The following ALPL variants were observed in gnomAD, a reference collection of about 807,000 sequenced individuals.
ALPL encodes alkaline phosphatase, biomineralization associated, also known as alkaline phosphatase, tissue-nonspecific isozyme.
In ALPL, 42 loss-of-function variants were observed where a neutral mutation model predicts 51.3. That is an observed-to-expected ratio of 0.82 (90% confidence interval 0.64 to 1.06). The LOEUF is 1.06. ALPL is among the 50% of genes least tolerant of loss of function. The probability of loss-of-function intolerance (pLI) is 0.00; values close to 1 mark genes in which losing one functional copy is unlikely to be tolerated. For synonymous variants in ALPL, 279 were observed against 296.4 expected (o/e 0.94, Z 0.60); for missense variants, 589 against 709.4 (o/e 0.83, Z 1.93).
intron 1 of ALPL, among the ~76,000 whole-genome samples, chr1:21,520,654 G>A (rs1248168932): frequency 3.3e-5 from 5 of 151,892 alleles, no homozygotes; most frequent in Admixed American, 2.0e-4. Flanking sequence ...GTAGACACGG[G>A]GTTTCACCGT....
At chr1:21,544,603 G>A (rs1172456433) in intron 1 of ALPL, among the ~76,000 whole-genome samples, 1 of 152,164 alleles carries the variant, frequency 6.6e-6, no homozygotes, top group Non-Finnish European at 1.5e-5. Context: ...AAAATCAGCT[G>A]GGCATGGTGG....
In ALPL at chr1:21,560,494, G is replaced by C. The variant is rs1010265374; in HGVS notation, c.62-132G>C. The C allele has an allele frequency of 3.8e-5, 45 of 1,181,166 alleles. 2 individuals are homozygous for C. The South Asian group carries it at 5.8e-4, about 15-fold the overall frequency. 73.2% of individuals were successfully genotyped at this position (1,181,166 alleles called of 1,614,324 possible). On this transcript the variant is annotated intron_variant, in intron 2 of 11. Transcript: ENST00000374840. ...TTATAAACCACAGATGTGTTGTCTG[G>C]GTGGGCAACTATTGCACCCACCTCC...
intron 2 of ALPL, among the ~76,000 whole-genome samples, chr1:21,555,618 A>G (rs1394338479): frequency 6.6e-6 from 1 of 152,074 alleles, no homozygotes; most frequent in East Asian, 1.9e-4. Flanking sequence ...GGGTTTCATC[A>G]TGTTGGCCAG....
At chr1:21,538,372 C>T (rs1313751182) in intron 1 of ALPL, among the ~76,000 whole-genome samples, 1 of 152,192 alleles carries the variant, frequency 6.6e-6, no homozygotes, top group Non-Finnish European at 1.5e-5. Flanking sequence ...CTTCTGTGGC[C>T]GGCTGGAGCG....
intron 1 of ALPL, among the ~76,000 whole-genome samples, chr1:21,522,296 C>G (rs369402819): frequency 4.6e-5 from 7 of 152,042 alleles, no homozygotes; most frequent in Admixed American, 1.3e-4. Context: ...GGATGGTCTC[C>G]ATCTCCTGAC....
At chr1:21,522,798 C>T (rs954852890) in intron 1 of ALPL, among the ~76,000 whole-genome samples, 3 of 152,144 alleles carry the variant, frequency 2.0e-5, no homozygotes, top group African/African-American at 4.8e-5. Flanking sequence ...GGAGGAAACT[C>T]GGTGCTGGGG....
intron 1 of ALPL, among the ~76,000 whole-genome samples, chr1:21,517,451 T>G (rs1387934453): frequency 6.6e-6 from 1 of 152,190 alleles, no homozygotes; most frequent in African/African-American, 2.4e-5. Flanking sequence ...CAGGGCACCT[T>G]GTGGTACACA....
At chr1:21,540,756 C>T (rs1243681711) in intron 1 of ALPL, among the ~76,000 whole-genome samples, 2 of 152,208 alleles carry the variant, frequency 1.3e-5, no homozygotes, top group African/African-American at 4.8e-5. Context: ...CTCTGCTCAT[C>T]TCAACCCCAT....
chr1:21,574,142 C>T (rs1246951780), intron 9 of ALPL: 4 of 985,374 alleles, frequency 4.1e-6, no homozygotes, highest in Admixed American at 6.1e-5. Context: ...ATCCGCAGGC[C>T]CCGGCTTTCC....
At chr1:21,574,145 G>A (rs1432810105) in intron 9 of ALPL, 15 of 985,464 alleles carry the variant, frequency 1.5e-5, no homozygotes, top group South Asian at 9.4e-5. Context: ...CGCAGGCCCC[G>A]GCTTTCCCAC....
At chr1:21,548,839 T>C (rs1644285213) in intron 1 of ALPL, among the ~76,000 whole-genome samples, 2 of 152,184 alleles carry the variant, frequency 1.3e-5, no homozygotes, top group Admixed American at 1.3e-4. Flanking sequence ...GTTGTAAGTG[T>C]CCTTGTACGT....
chr1:21,565,019 G>C (rs913506409), intron 6 of ALPL, among the ~76,000 whole-genome samples: 1 of 152,150 alleles, frequency 6.6e-6, no homozygotes, highest in African/African-American at 2.4e-5. Flanking sequence ...CCTACTGTGG[G>C]GGACTGCTGA....
intron 1 of ALPL, among the ~76,000 whole-genome samples, chr1:21,535,625 G>T (rs1258422124): frequency 6.6e-6 from 1 of 151,860 alleles, no homozygotes; most frequent in Non-Finnish European, 1.5e-5. Flanking sequence ...AAAAAAAAAA[G>T]AAAGGAGAGT....
At chr1:21,524,027 G>C (rs1397157919) in intron 1 of ALPL, among the ~76,000 whole-genome samples, 1 of 119,356 alleles carries the variant, frequency 8.4e-6, no homozygotes, top group Admixed American at 9.5e-5. Flanking sequence ...TTTTTGACAT[G>C]GAGTCTCGCT....
intron 1 of ALPL, among the ~76,000 whole-genome samples, chr1:21,529,431 T>A (rs1423717565): frequency 6.6e-6 from 1 of 152,006 alleles, no homozygotes; most frequent in East Asian, 1.9e-4. Context: ...AAAAAATAAT[T>A]TTTTTTGTAG....
intron 1 of ALPL, among the ~76,000 whole-genome samples, chr1:21,511,539 C>T: frequency 6.6e-6 from 1 of 152,196 alleles, no homozygotes; most frequent in Non-Finnish European, 1.5e-5. Context: ...ATGTGCCTAC[C>T]CTGCCTCTGA....
intron 9 of ALPL, chr1:21,574,713 A>G (rs1644702290): frequency 1.3e-5 from 2 of 152,260 alleles, no homozygotes; most frequent in African/African-American, 2.4e-5. Flanking sequence ...CAGGCCTCTG[A>G]CGCCAAGGAG....
chr1:21,575,593 G>C, intron 9 of ALPL, 140 bp from the exon 10 acceptor site: 1 of 1,007,510 alleles, frequency 9.9e-7, no homozygotes, highest in Non-Finnish European at 1.5e-6. Context: ...AGGCTGTGGT[G>C]CTAGCTCAGA....
chr1:21,565,598 G>A (rs1446837070), intron 6 of ALPL, among the ~76,000 whole-genome samples: 31 of 151,748 alleles, frequency 2.0e-4, no homozygotes, highest in East Asian at 1.7e-3. Context: ...TGTTTCAGGT[G>A]AGGGGGTGGG....
Sources: gnomAD v4.1 joint callset for allele counts (sites outside exome capture counted in the v4.1 genomes callset) on GRCh38, gnomAD v4.1.1 for gene constraint, MANE v1.5 for transcripts, NCBI Gene and HGNC (gene_info 2026-07-23, HGNC 2026-07-21) for gene names.